Variants in VSIG10L2 observed in about 807,000 individuals in gnomAD.
The protein encoded by VSIG10L2 is V-set and immunoglobulin domain-containing protein 10-like 2.
Under a neutral mutation model 67.1 loss-of-function variants are expected in VSIG10L2, and 56 were observed. That is an observed-to-expected ratio of 0.83 (90% CI 0.67 to 1.04). The LOEUF is 1.04. Ranked by LOEUF, VSIG10L2 falls within the 50% of genes least tolerant of loss-of-function variation. VSIG10L2 has a pLI of 0.00. For synonymous variants in VSIG10L2, 360 were observed against 396.6 expected, an observed-to-expected ratio of 0.91 and a Z score of 1.10; for missense variants, 843 against 932.8, an observed-to-expected ratio of 0.90 and a Z score of 1.25.
In VSIG10L2 at chr11:125,953,388, C is replaced by T. The variant is rs1218382757; in HGVS notation, c.1496-12C>T. Reference sequence around the variant, plus strand: ...CTCCCACTAGCCGGCCTCATCCTCTCTGTCCCCGCAGAAGCCCCACAGCTG... The same window carrying T: ...CTCCCACTAGCCGGCCTCATCCTCTTTGTCCCCGCAGAAGCCCCACAGCTG... On this transcript the variant is annotated splice_polypyrimidine_tract_variant and intron_variant, in intron 6 of 11. Coordinates refer to ENST00000686984, the MANE Select transcript of VSIG10L2 (RefSeq NM_001365077.2). The T allele has an allele frequency of 4.1e-6, 5 of 1,232,408 alleles. No homozygotes were observed. The highest frequency in any genetic ancestry group is 5.1e-6 in the Non-Finnish European group (5 of 988,256). The allele number at this position is 1,232,408 out of a possible 1,614,324, so 76.3% of individuals were successfully genotyped here.
chr11:125,954,963 C>T (rs73019362), intron 8 of VSIG10L2, 94 bp from the exon 9 acceptor site: 33,428 of 1,192,156 alleles, frequency 0.028, 549 homozygotes, highest in Middle Eastern at 0.044. Context: ...AGCAGGGCAC[C>T]GCTTCTCCAG....
chr11:125,949,081 C>T (rs1945331045), intron 3 of VSIG10L2, among the ~76,000 whole-genome samples: 1 of 152,244 alleles, frequency 6.6e-6, no homozygotes, highest in Non-Finnish European at 1.5e-5. Context: ...CCAATCCAAA[C>T]TGAGCTGTGC....
At position 125,955,628 on chromosome 11, in the gene VSIG10L2, C is replaced by T; in HGVS notation, c.2245C>T (p.Gln749Ter). 2 of 1,531,006 alleles carry T rather than the reference C, an allele frequency of 1.3e-6. No individual in the cohort carries two copies. The highest frequency in any genetic ancestry group is 2.4e-5 in the South Asian group (2 of 83,172). 94.8% of individuals were successfully genotyped at this position (1,531,006 alleles called of 1,614,324 possible). ...CTTCACTCTCAGGGAGCAAAGGCAC[C>T]AACAGAGGGGTTCCAGAGAAGATGC... ...QLLVPTEQRHQQRGSREDAEA... is the reference protein window; with the variant it reads ...QLLVPTEQRH The change falls in exon 11 of 12, where the codon CAA becomes TAA. Residue 749 changes from glutamine to a stop codon, truncating the protein, a stop_gained. Coordinates refer to ENST00000686984, the MANE Select transcript of VSIG10L2 (RefSeq NM_001365077.2). LOFTEE classifies it low-confidence loss of function (END_TRUNC).
In VSIG10L2 at chr11:125,953,450, G is replaced by A. The variant is rs766552806; in HGVS notation, c.1546G>A (p.Gly516Arg). 8.5e-5 allele frequency: 105 copies of A among 1,232,208 alleles called. No homozygotes were observed. Among genetic ancestry groups the A allele is most frequent in the South Asian group, 1.2e-4 (3 of 24,324 alleles). 76.3% of individuals were successfully genotyped at this position (1,232,208 alleles called of 1,614,324 possible). The change falls in exon 7 of 12, where the codon GGA (glycine) becomes AGA (arginine). Residue 516 changes from glycine to arginine, a missense_variant. Gly to Arg is a moderately radical substitution (Grantham distance 125). Coordinates refer to ENST00000686984, the MANE Select transcript of VSIG10L2 (RefSeq NM_001365077.2). ...GCCCCGCGTGTCAGTGTTGGAGGGGGGAGAGGCCTGGCTGGAGTGCTCTCT... is the reference window on the plus strand; with the variant it reads ...GCCCCGCGTGTCAGTGTTGGAGGGGAGAGAGGCCTGGCTGGAGTGCTCTCT... ...AEPRVSVLEG[G>R]EAWLECSLRG...
At position 125,954,220 on chromosome 11, in the gene VSIG10L2, C is replaced by T. The variant is rs948130130; in HGVS notation, c.1920C>T (p.Ala640=). 8.1e-6 allele frequency: 10 copies of T among 1,232,226 alleles called. No homozygotes were observed. The highest frequency in any genetic ancestry group is 1.0e-5 in the Non-Finnish European group (10 of 988,040). 76.3% of individuals were successfully genotyped at this position (1,232,226 alleles called of 1,614,324 possible). A position where few individuals can be genotyped will look rare whatever the true frequency, so the allele number is the denominator to read the frequency against. ...TGFLVQRKAS[A]LGPGAGAWET... ...TCCTGGTGCAGCGGAAGGCCAGTGC[C>T]CTGGGCCCAGGAGCTGGGGCGTGGG... is the stretch of plus-strand genomic sequence containing the variant. The change falls in exon 8 of 12, where the codon GCC becomes GCT. Residue 640 remains alanine, a synonymous_variant. Transcript: ENST00000686984.
Position 125,950,178 on chromosome 11 carries a change from A to C in VSIG10L2, c.874A>C (p.Thr292Pro). Residue 292 changes from threonine (T) to proline (P), a missense_variant, in exon 4 of 12, where the codon ACC becomes CCC. Physicochemically the swap from Thr to Pro is conservative, Grantham distance 38. Around this residue, in one of 2 missense-constraint regions of VSIG10L2, gnomAD observed 446 missense variants for 548.4 expected, o/e 0.81. Transcript: ENST00000686984. ...CCACACGCAAGTCCACACGGGGCCT[A>C]CCTATGTCATCGCCAGAGCTGGCCG... The part of the protein sequence containing the change: ...RDHTQVHTGP[T>P]YVIARAGRVH... 8.1e-7 allele frequency: 1 copy of C among 1,232,324 alleles called. No individual in the cohort carries two copies. Among genetic ancestry groups the C allele is most frequent in the Non-Finnish European group, 1.0e-6 (1 of 988,108 alleles). 76.3% of individuals were successfully genotyped at this position (1,232,324 alleles called of 1,614,324 possible). A position where few individuals can be genotyped will look rare whatever the true frequency, so the allele number is the denominator to read the frequency against.
intron 2 of VSIG10L2, 75 bp from the exon 3 acceptor site, chr11:125,948,230 G>A: frequency 8.1e-7 from 1 of 1,231,986 alleles, no homozygotes; most frequent in Non-Finnish European, 1.0e-6. Flanking sequence ...AGCCAGCAGG[G>A]GTGGGGGCGC....
rs1205581395 is a variant in VSIG10L2, at chr11:125,947,667, A to AT, written c.83-18dup. Reference sequence around the variant, plus strand: ...CCCAGAGCAGCCCAGAAGTCCTGCTATGCCCCTTCTCTCCCCAGGCCAGCC... The same window carrying AT: ...CCCAGAGCAGCCCAGAAGTCCTGCTATTGCCCCTTCTCTCCCCAGGCCAGCC... On this transcript the variant is annotated intron_variant, in intron 1 of 11. Transcript: ENST00000686984. The AT allele has an allele frequency of 1.6e-5, 20 of 1,232,294 alleles. No homozygotes were observed. Among genetic ancestry groups the AT allele is most frequent in the Middle Eastern group, 3.1e-4 (1 of 3,234 alleles). The allele number at this position is 1,232,294 out of a possible 1,614,324, so 76.3% of individuals were successfully genotyped here.
chr11:125,947,740 G>A lies in VSIG10L2; in HGVS notation c.137G>A (p.Gly46Glu), dbSNP rs1591528415. 5 of 1,232,358 alleles carry A rather than the reference G, an allele frequency of 4.1e-6. No individual in the cohort carries two copies. The highest frequency in any genetic ancestry group is 8.4e-5 in the Admixed American group (2 of 23,708). 76.3% of individuals were successfully genotyped at this position (1,232,358 alleles called of 1,614,324 possible). ...GTAGAGGAGGTGGTGTCTGTCCAGG[G>A]AGTGCGAGGTGGCTCCGTGGAGCTG... Reference protein sequence around the residue: ...APVEEVVSVQGVRGGSVELAC... With the variant: ...APVEEVVSVQEVRGGSVELAC... The change falls in exon 2 of 12, where the codon GGA (glycine) becomes GAA (glutamate). Residue 46 changes from glycine (G) to glutamate (E), a missense_variant. Physicochemically the swap from Gly to Glu is moderately conservative, Grantham distance 98. Transcript: ENST00000686984.
chr11:125,948,412 G>A lies in VSIG10L2; in HGVS notation c.541G>A (p.Ala181Thr), dbSNP rs1467433944. The A allele has an allele frequency of 8.1e-7, 1 of 1,232,430 alleles. No individual in the cohort carries two copies. The highest frequency in any genetic ancestry group is 1.0e-6 in the Non-Finnish European group (1 of 988,182). 76.3% of individuals were successfully genotyped at this position (1,232,430 alleles called of 1,614,324 possible). ...GGAGGGCACAGAGCCCGTGACCTTT[G>A]CCTGGCAGCATCGGGCACCCCGAGG... ...VREGTEPVTF[A>T]WQHRAPRGLG... Residue 181 changes from alanine (A) to threonine (T), a missense_variant, in exon 3 of 12, where the codon GCC (alanine) becomes ACC (threonine). Coordinates refer to ENST00000686984, the MANE Select transcript of VSIG10L2 (RefSeq NM_001365077.2).
At chr11:125,951,610 C>T (rs1945373697) in intron 5 of VSIG10L2, among the ~76,000 whole-genome samples, 1 of 152,238 alleles carries the variant, frequency 6.6e-6, no homozygotes, top group Non-Finnish European at 1.5e-5. Context: ...TTCTAGCACA[C>T]ATCAAATCAT....
intron 9 of VSIG10L2, 128 bp downstream of exon 9, chr11:125,955,307 C>T: frequency 7.8e-7 from 1 of 1,280,818 alleles, no homozygotes; most frequent in Non-Finnish European, 1.0e-6. Context: ...CAGACCCTCT[C>T]CCCAGTGCTA....
chr11:125,949,155 C>T (rs1459542912), intron 3 of VSIG10L2, among the ~76,000 whole-genome samples: 5 of 152,302 alleles, frequency 3.3e-5, no homozygotes, highest in Admixed American at 2.6e-4. Flanking sequence ...GTAAAATATC[C>T]GTAACTTCTA....
Position 125,946,649 on chromosome 11 carries a change from A to T in VSIG10L2, c.82+512A>T, listed in dbSNP as rs1425266132. Among the ~76,000 whole-genome samples, 2 of 149,790 alleles carry T rather than the reference A, an allele frequency of 1.3e-5. No homozygotes were observed. Among genetic ancestry groups the T allele is most frequent in the Admixed American group, 6.8e-5 (1 of 14,776 alleles). Reference sequence around the variant, plus strand: ...GCCTCCTGGGTTCAAGTGATTCTCCAGCCTCAGCCTACCAAGTAGCTGGGA... The same window carrying T: ...GCCTCCTGGGTTCAAGTGATTCTCCTGCCTCAGCCTACCAAGTAGCTGGGA... On this transcript the variant is annotated intron_variant, in intron 1 of 11. Transcript: ENST00000686984. The surrounding 1 kb of genome is among the most constrained non-coding windows in gnomAD (Gnocchi z 4.4).
intron 5 of VSIG10L2, among the ~76,000 whole-genome samples, chr11:125,951,577 G>A (rs1945371094): frequency 6.6e-6 from 1 of 152,226 alleles, no homozygotes. Context: ...GGAAGCCCCA[G>A]GGAGTTTGTC....
At position 125,950,162 on chromosome 11, in the gene VSIG10L2, A is replaced by T. The variant is rs1391100492; in HGVS notation, c.858A>T (p.Gln286His). ...ATGTGTGGCTCCGTGACCACACGCA[A>T]GTCCACACGGGGCCTACCTATGTCA... ...SHYVWLRDHT[Q>H]VHTGPTYVIA... Residue 286 changes from glutamine (Q) to histidine (H), a missense_variant, in exon 4 of 12, where the codon CAA (glutamine) becomes CAT (histidine). Around this residue, in one of 2 missense-constraint regions of VSIG10L2, gnomAD observed 446 missense variants for 548.4 expected, o/e 0.81. Transcript: ENST00000686984. 8.1e-7 allele frequency: 1 copy of T among 1,232,182 alleles called. No individual in the cohort carries two copies. The highest frequency in any genetic ancestry group is 1.0e-6 in the Non-Finnish European group (1 of 988,072). 76.3% of individuals were successfully genotyped at this position (1,232,182 alleles called of 1,614,324 possible). A position where few individuals can be genotyped will look rare whatever the true frequency, so the allele number is the denominator to read the frequency against.
Position 125,947,802 on chromosome 11 carries a change from T to C in VSIG10L2, c.199T>C (p.Trp67Arg). Reference protein sequence around the residue: ...GSGPAPLLVLWSFTPLGSLVP... With the variant: ...GSGPAPLLVLRSFTPLGSLVP... ...AGGGCCTGCCCCGCTGCTGGTCCTCTGGAGCTTCACCCCCCTGGGCTCCCT... is the reference window on the plus strand; with the variant it reads ...AGGGCCTGCCCCGCTGCTGGTCCTCCGGAGCTTCACCCCCCTGGGCTCCCT... The change falls in exon 2 of 12, where the codon TGG becomes CGG. Residue 67 changes from tryptophan (W) to arginine (R), a missense_variant. Physicochemically the swap from Trp to Arg is moderately radical, Grantham distance 101. Coordinates refer to ENST00000686984, the MANE Select transcript of VSIG10L2 (RefSeq NM_001365077.2). 8.1e-7 allele frequency: 1 copy of C among 1,232,648 alleles called. No individual in the cohort carries two copies. The highest frequency in any genetic ancestry group is 3.2e-5 in the East Asian group (1 of 31,690). 76.4% of individuals were successfully genotyped at this position (1,232,648 alleles called of 1,614,324 possible). A position where few individuals can be genotyped will look rare whatever the true frequency, so the allele number is the denominator to read the frequency against.
In VSIG10L2 at chr11:125,950,917, T is replaced by C; in HGVS notation, c.993T>C (p.Pro331=). The part of the protein sequence containing the change: ...TTVQLTIYYP[P]EGQPSCAVHP... ...ACCCACTTCCCCATCCAGATCCCCC[T>C]GAGGGACAGCCCTCCTGTGCAGTGC... The change falls in exon 5 of 12, where the codon CCT becomes CCC. Residue 331 remains proline (P), a synonymous_variant. Coordinates refer to ENST00000686984, the MANE Select transcript of VSIG10L2 (RefSeq NM_001365077.2). The C allele has an allele frequency of 8.1e-7, 1 of 1,232,534 alleles. No homozygotes were observed. The highest frequency in any genetic ancestry group is 1.5e-5 in the African/African-American group (1 of 64,544). The allele number at this position is 1,232,534 out of a possible 1,614,324, so 76.3% of individuals were successfully genotyped here.
intron 4 of VSIG10L2, among the ~76,000 whole-genome samples, 166 bp downstream of exon 4, chr11:125,950,455 A>G (rs1466122200): frequency 1.3e-5 from 2 of 152,056 alleles, no homozygotes; most frequent in African/African-American, 2.4e-5. Context: ...GGAGGCAGGG[A>G]AAGAGGAGAA....
Sources: allele counts gnomAD v4.1 joint callset (sites outside exome capture counted in the v4.1 genomes callset), GRCh38; gene constraint gnomAD v4.1.1; regional missense constraint gnomAD v4.1.1; non-coding constraint Gnocchi (gnomAD v3.1); transcripts MANE v1.5; gene names NCBI Gene and HGNC (gene_info 2026-07-23, HGNC 2026-07-21).